DPY19L2: variants seen among roughly 807,000 people sequenced by gnomAD.
DPY19L2 encodes dpy-19 like 2, also known as probable C-mannosyltransferase DPY19L2.
In DPY19L2, 34 loss-of-function variants were observed where a neutral mutation model predicts 97.9. The observed-to-expected ratio is 0.35, with a 90% CI of 0.26 to 0.46. The LOEUF (loss-of-function observed/expected upper bound fraction) is 0.46, where lower values mean the gene tolerates loss of function less well. Among genes scored for constraint, DPY19L2 ranks in the 20% least tolerant of loss-of-function variants. The pLI is 1.00. For synonymous variants in DPY19L2, 230 were observed against 307.9 expected (o/e 0.75, Z 2.65); for missense variants, 623 against 911.4 (o/e 0.68, Z 4.07).
chr12:63,664,358 A>C (rs564941035), intron 2 of DPY19L2, among the ~76,000 whole-genome samples: 2 of 151,928 alleles, frequency 1.3e-5, no homozygotes, highest in African/African-American at 2.4e-5. Flanking sequence ...ACAAAAAAAA[A>C]CAAAACCTCA....
At chr12:63,664,084 C>A (rs558073373) in intron 2 of DPY19L2, among the ~76,000 whole-genome samples, 1 of 152,176 alleles carries the variant, frequency 6.6e-6, no homozygotes, top group East Asian at 1.9e-4. Context: ...TGCCTGTAAT[C>A]CCAGCACTTT....
rs1451730762 is a variant in DPY19L2, at chr12:63,576,472, G to A, written c.1900+4190C>T. ...AATCAGACAAGAGAAAGAAAGAAAGGGCATCCAAATTTGAAAGGAAGAGGC... is the reference window on the plus strand; with the variant it reads ...AATCAGACAAGAGAAAGAAAGAAAGAGCATCCAAATTTGAAAGGAAGAGGC... On this transcript the variant is annotated intron_variant, in intron 19 of 21. Coordinates refer to ENST00000324472, the MANE Select transcript of DPY19L2 (RefSeq NM_173812.5). Among the ~76,000 whole-genome samples the A allele has an allele frequency of 1.3e-5, 2 of 151,610 alleles. 1 individual carries two copies. Among genetic ancestry groups the A allele is most frequent in the African/African-American group, 4.8e-5 (2 of 41,298 alleles).
At chr12:63,590,077 G>C (rs895071987) in intron 16 of DPY19L2, among the ~76,000 whole-genome samples, 1 of 151,954 alleles carries the variant, frequency 6.6e-6, no homozygotes, top group Non-Finnish European at 1.5e-5. Context: ...GCAGTGAGCC[G>C]AGATTGTGCC....
intron 21 of DPY19L2, among the ~76,000 whole-genome samples, chr12:63,564,087 T>C (rs1877167731): frequency 6.6e-6 from 1 of 152,170 alleles, no homozygotes; most frequent in Admixed American, 6.5e-5. Flanking sequence ...GATCCTGTAG[T>C]GATAAAATCT....
intron 19 of DPY19L2, among the ~76,000 whole-genome samples, chr12:63,576,138 C>T (rs181253021): frequency 3.3e-5 from 5 of 151,942 alleles, no homozygotes; most frequent in African/African-American, 4.8e-5. Flanking sequence ...GATAGTTCAA[C>T]GTAGCAAATC....
intron 5 of DPY19L2, among the ~76,000 whole-genome samples, chr12:63,645,454 A>T (rs1893286699): frequency 6.6e-6 from 1 of 152,140 alleles, no homozygotes; most frequent in African/African-American, 2.4e-5. Flanking sequence ...ATCTATATAC[A>T]GATGACTCCA....
chr12:63,561,585 T>A (rs1176269844), intron 21 of DPY19L2, among the ~76,000 whole-genome samples: 3 of 151,878 alleles, frequency 2.0e-5, no homozygotes, highest in Non-Finnish European at 4.4e-5. Context: ...CTGTAGTTCC[T>A]ACAACTTCTG....
At chr12:63,635,514 A>G (rs1891502288) in intron 6 of DPY19L2, among the ~76,000 whole-genome samples, 2 of 152,160 alleles carry the variant, frequency 1.3e-5, no homozygotes, top group Non-Finnish European at 2.9e-5. Context: ...GTTCGAACCC[A>G]TCGCAAAGAA....
intron 21 of DPY19L2, among the ~76,000 whole-genome samples, chr12:63,565,347 A>G (rs1376777978): frequency 6.6e-6 from 1 of 152,134 alleles, no homozygotes; most frequent in Non-Finnish European, 1.5e-5. Flanking sequence ...AGGAGGCTCT[A>G]GAAGAAAATC....
chr12:63,610,841 C>CAAAA lies in DPY19L2; in HGVS notation c.1219-2170_1219-2167dup, dbSNP rs56044043. Among the ~76,000 whole-genome samples, 48 of 10,772 alleles carry CAAAA rather than the reference C, an allele frequency of 4.5e-3. 10 individuals are homozygous for CAAAA. The highest frequency in any genetic ancestry group is 8.8e-3 in the Admixed American group (4 of 456). 7.1% of individuals were successfully genotyped at this position (10,772 alleles called of 152,430 possible). On this transcript the variant is annotated intron_variant, in intron 11 of 21. Transcript: ENST00000324472. ...AGGCCAGTACCTCTGATGAATATAG[C>CAAAA]AAAAAAAAAAAAAAAAAAAAAAAAA...
At chr12:63,603,216 A>G (rs1885466519) in intron 12 of DPY19L2, among the ~76,000 whole-genome samples, 1 of 152,232 alleles carries the variant, frequency 6.6e-6, no homozygotes, top group Non-Finnish European at 1.5e-5. Flanking sequence ...TAAATAAAGA[A>G]TAACAAAATA....
At chr12:63,649,555 T>C (rs1893895116) in intron 4 of DPY19L2, among the ~76,000 whole-genome samples, 1 of 152,112 alleles carries the variant, frequency 6.6e-6, no homozygotes, top group Non-Finnish European at 1.5e-5. Context: ...AACAACTCTA[T>C]GGACACAAAC....
intron 12 of DPY19L2, among the ~76,000 whole-genome samples, chr12:63,603,804 A>G (rs893112082): frequency 1.3e-5 from 2 of 152,140 alleles, no homozygotes; most frequent in Admixed American, 6.5e-5. Flanking sequence ...CATGCTATCA[A>G]AAAAAGAGCT....
chr12:63,589,357 C>CAAAAAAAAAGAAAAAAA (rs1882442233), intron 16 of DPY19L2, among the ~76,000 whole-genome samples: 1 of 18,986 alleles, frequency 5.3e-5, no homozygotes, highest in Non-Finnish European at 1.0e-4. Flanking sequence ...AAATGTGTTG[C>CAAAAAAAAAGAAAAAAA]AAAAAAAAAA....
At position 63,560,590 on chromosome 12, in the gene DPY19L2, G is replaced by A. The variant is rs748750095; in HGVS notation, c.2199C>T (p.Ser733=). ...PSNAANPPLC[S]VLLEDARPYF... ...AAGGCCTGGCGTCTTCGAGCAGGAC[G>A]CTACATAAGGGAGGGTTAGCTGCAT... is the stretch of plus-strand genomic sequence containing the variant. The change falls in exon 22 of 22, where the codon AGC becomes AGT. Residue 733 remains serine (S), a synonymous_variant. Coordinates refer to ENST00000324472, the MANE Select transcript of DPY19L2 (RefSeq NM_173812.5). 5.6e-6 allele frequency: 9 copies of A among 1,613,820 alleles called. No homozygotes were observed. The highest frequency in any genetic ancestry group is 4.0e-5 in the African/African-American group (3 of 74,896).
At position 63,656,208 on chromosome 12, in the gene DPY19L2, C is replaced by T. The variant is rs528890146; in HGVS notation, c.588+5136G>A. On this transcript the variant is annotated intron_variant, in intron 4 of 21. Transcript: ENST00000324472. ...GAAAGCTGACCCAACATGATTAAAT[C>T]CAACTCTCCATTTTCTCCGTGTTTA... Among the ~76,000 whole-genome samples the T allele has an allele frequency of 8.5e-5, 13 of 152,222 alleles. No individual in the cohort carries two copies. In the South Asian group the frequency reaches 2.7e-3, roughly 32 times the overall value.
rs2942671 is a variant in DPY19L2 at position 63,569,315 on chromosome 12, G to A, written c.2035C>T (p.Arg679Ter). ...TCTCTTACTTCTTTGGCAGATTTTC[G>A]ACTATATGTAGAATAAACTATTTTT... is the stretch of plus-strand genomic sequence containing the variant. The part of the protein sequence containing the change: ...RTKIVYSTYS[R>*]KSAKEVRDKL... The change falls in exon 21 of 22, where the codon CGA becomes TGA. Residue 679 changes from arginine to a stop codon, truncating the protein, a stop_gained. Coordinates refer to ENST00000324472, the MANE Select transcript of DPY19L2 (RefSeq NM_173812.5). LOFTEE classifies it high-confidence loss of function. 2.5e-6 allele frequency: 4 copies of A among 1,595,504 alleles called. No homozygotes were observed. The highest frequency in any genetic ancestry group is 3.4e-6 in the Non-Finnish European group (4 of 1,172,464).
chr12:63,668,408 G>A lies in DPY19L2; in HGVS notation c.-15C>T, dbSNP rs748198222. 20 of 1,582,442 alleles carry A rather than the reference G, an allele frequency of 1.3e-5. No homozygotes were observed. The East Asian group carries it at 4.5e-4, about 36-fold the overall frequency. ...TGTTTTCTCATAATCAAGGAGTATG[G>A]TGGAGCTGGGTCAATTTCAGGCACA... On this transcript the variant is annotated 5_prime_UTR_variant, in exon 1 of 22. Transcript: ENST00000324472.
intron 11 of DPY19L2, among the ~76,000 whole-genome samples, chr12:63,611,295 C>A (rs1211956353): frequency 6.6e-6 from 1 of 151,828 alleles, no homozygotes; most frequent in East Asian, 1.9e-4. Flanking sequence ...AGCCTATGTT[C>A]AAGTGGCTTA....
Sources: allele counts gnomAD v4.1 joint callset (sites outside exome capture counted in the v4.1 genomes callset), GRCh38; gene constraint gnomAD v4.1.1; transcripts MANE v1.5; gene names NCBI Gene and HGNC (gene_info 2026-07-23, HGNC 2026-07-21).